The following GLIS3 variants were observed in gnomAD, a reference collection of about 807,000 sequenced individuals.
GLIS3 encodes the protein zinc finger protein GLIS3.
A neutral mutation model predicts 78.6 loss-of-function variants in GLIS3; 53 were observed. The ratio of observed to expected loss-of-function variants is 0.67; its 90% confidence interval spans 0.54 to 0.85. The LOEUF (loss-of-function observed/expected upper bound fraction) is 0.85. Among genes scored for constraint, GLIS3 ranks in the 40% least tolerant of loss-of-function variants. The pLI is 0.00. For synonymous variants in GLIS3, 684 were observed against 509.9 expected (o/e 1.34, Z -4.60); for missense variants, 1,703 against 1,231.1 (o/e 1.38, Z -5.74).
chr9:4,284,267 C>A (rs1207062724), intron 2 of GLIS3, among the ~76,000 whole-genome samples: 2 of 152,196 alleles, frequency 1.3e-5, no homozygotes, highest in Non-Finnish European at 2.9e-5. Context: ...CGGTGCCTGA[C>A]ATATGCTGAG....
chr9:3,992,540 G>C (rs573133467), intron 4 of GLIS3, among the ~76,000 whole-genome samples: 10 of 151,922 alleles, frequency 6.6e-5, no homozygotes, highest in Non-Finnish European at 1.2e-4. Context: ...TTATGAGATA[G>C]AGTTGGTACA....
At chr9:4,221,782 A>G (rs73400427) in intron 2 of GLIS3, among the ~76,000 whole-genome samples, 3,514 of 152,342 alleles carry the variant, frequency 0.023, 140 homozygotes, top group African/African-American at 0.081. Flanking sequence ...TGAAAGAAAG[A>G]GGCCACAACT....
Position 3,826,624 on chromosome 9 carries a change from T to C in GLIS3, c.*1648A>G, listed in dbSNP as rs914929106. 6.6e-6 allele frequency: 1 copy of C among 152,186 alleles called. No homozygotes were observed. Among genetic ancestry groups the C allele is most frequent in the Admixed American group, 6.5e-5 (1 of 15,288 alleles). The allele number at this position is 152,186 out of a possible 1,614,324, so 9.4% of individuals were successfully genotyped here. On this transcript the variant is annotated 3_prime_UTR_variant, in exon 11 of 11. Coordinates refer to ENST00000381971, the MANE Select transcript of GLIS3 (RefSeq NM_001042413.2). ...TCTTCATTCACCTCATTCTACTGCA[T>C]GTTGGAATGAACTCTGGAATCAGGT... is the stretch of plus-strand genomic sequence containing the variant.
At chr9:3,843,488 C>A (rs542933787) in intron 9 of GLIS3, among the ~76,000 whole-genome samples, 14 of 152,218 alleles carry the variant, frequency 9.2e-5, no homozygotes, top group African/African-American at 3.4e-4. Context: ...TTTGGGAAAC[C>A]TGACATACAT....
intron 2 of GLIS3, among the ~76,000 whole-genome samples, chr9:4,254,244 A>G (rs1824693870): frequency 1.3e-5 from 2 of 152,256 alleles, no homozygotes; most frequent in Non-Finnish European, 2.9e-5. Context: ...AAAACCAATC[A>G]GAAGATACGT....
chr9:4,190,397 G>A (rs1818225142), intron 2 of GLIS3, among the ~76,000 whole-genome samples: 1 of 151,758 alleles, frequency 6.6e-6, no homozygotes, highest in South Asian at 2.1e-4. Context: ...AGAAGCCTCA[G>A]GAGCCGATGC....
chr9:3,904,088 G>A (rs1193530091), intron 6 of GLIS3, among the ~76,000 whole-genome samples: 1 of 152,188 alleles, frequency 6.6e-6, no homozygotes, highest in Non-Finnish European at 1.5e-5. Context: ...CCTTCTTTGA[G>A]AGCCCATATG....
chr9:4,052,208 T>C (rs533168433), intron 4 of GLIS3, among the ~76,000 whole-genome samples: 5 of 152,302 alleles, frequency 3.3e-5, no homozygotes, highest in Non-Finnish European at 5.9e-5. Flanking sequence ...CCCATCCTCC[T>C]GAAATAAAGA....
chr9:4,171,209 A>C (rs1394266093), intron 2 of GLIS3, among the ~76,000 whole-genome samples: 1 of 152,222 alleles, frequency 6.6e-6, no homozygotes, highest in Admixed American at 6.5e-5. Context: ...ATATACATAT[A>C]CATATAAGTA....
At chr9:4,257,779 T>C (rs898971777) in intron 2 of GLIS3, among the ~76,000 whole-genome samples, 4 of 152,052 alleles carry the variant, frequency 2.6e-5, no homozygotes, top group African/African-American at 9.7e-5. Context: ...TTCACTGTGT[T>C]AGCCGGGATG....
the GLIS3 span, among the ~76,000 whole-genome samples, chr9:4,388,138 C>T: frequency 2.0e-5 from 3 of 152,250 alleles, no homozygotes; most frequent in East Asian, 3.9e-4. Context: ...GTTATCCATG[C>T]GTAAGACTGG....
chr9:4,480,569 GTACCTAATGC>G, the GLIS3 span, among the ~76,000 whole-genome samples: 33 of 152,012 alleles, frequency 2.2e-4, no homozygotes, highest in African/African-American at 7.2e-4. Context: ...CCTCTTTCCT[GTACCTAATGC>G]TATATATCAT....
chr9:4,214,591 A>G (rs973548905), intron 2 of GLIS3, among the ~76,000 whole-genome samples: 3 of 152,182 alleles, frequency 2.0e-5, no homozygotes, highest in Non-Finnish European at 4.4e-5. Flanking sequence ...ACGAAAGACA[A>G]TGTGGGCGCA....
At chr9:4,298,537 G>T (rs12340657) in intron 1 of GLIS3, 1 of 355,280 alleles carries the variant, frequency 2.8e-6, no homozygotes, top group African/African-American at 2.2e-5. Context: ...AGAGCCGGCG[G>T]CTCACTCACG....
chr9:4,395,795 G>A, the GLIS3 span, among the ~76,000 whole-genome samples: 1 of 135,058 alleles, frequency 7.4e-6, no homozygotes, highest in Non-Finnish European at 1.6e-5. Context: ...TTTTTTTTGA[G>A]ATGGACTCTC....
intron 8 of GLIS3, among the ~76,000 whole-genome samples, chr9:3,868,157 T>A (rs1471820503): frequency 6.6e-6 from 1 of 152,280 alleles, no homozygotes. Context: ...TATGTTTCTG[T>A]ATGTGTCAGA....
intron 2 of GLIS3, among the ~76,000 whole-genome samples, chr9:4,311,876 G>A (rs1289353302): frequency 1.3e-5 from 2 of 152,170 alleles, no homozygotes; most frequent in Admixed American, 6.5e-5. Flanking sequence ...AAATGATCAA[G>A]AAAACAGAAA....
intron 6 of GLIS3, among the ~76,000 whole-genome samples, chr9:3,926,273 C>T (rs1338215199): frequency 6.6e-6 from 1 of 150,384 alleles, no homozygotes; most frequent in East Asian, 1.9e-4. Flanking sequence ...CTCTGTCACC[C>T]ACACTAGAGT....
At chr9:4,300,986 C>A (rs1223454609), upstream of GLIS3, among the ~76,000 whole-genome samples, 1 of 152,022 alleles carries the variant, frequency 6.6e-6, no homozygotes, top group Admixed American at 6.6e-5. Flanking sequence ...TGTTACCACT[C>A]CAATATAAAT....
Sources: gnomAD v4.1 joint callset for allele counts (sites outside exome capture counted in the v4.1 genomes callset) on GRCh38, gnomAD v4.1.1 for gene constraint, MANE v1.5 for transcripts, NCBI Gene and HGNC (gene_info 2026-07-23, HGNC 2026-07-21) for gene names.